Variants in CRYBG1 observed in about 807,000 individuals in gnomAD.
CRYBG1 encodes the protein beta/gamma crystallin domain-containing protein 1.
Under a neutral mutation model 189.2 loss-of-function variants are expected in CRYBG1, and 139 were observed. The ratio of observed to expected loss-of-function variants is 0.73; its 90% confidence interval spans 0.64 to 0.85. The LOEUF (loss-of-function observed/expected upper bound fraction) is 0.85, where lower values mean the gene tolerates loss of function less well. Ranked by LOEUF, CRYBG1 falls within the 40% of genes least tolerant of loss-of-function variation. The pLI is 0.00. For missense variants in CRYBG1, 2,611 were observed against 2,675.8 expected, an observed-to-expected ratio of 0.98 and a Z score of 0.53; for synonymous variants, 1,023 against 1,017.1, an observed-to-expected ratio of 1.01 and a Z score of -0.11.
Position 106,553,580 on chromosome 6 carries a change from A to G in CRYBG1, c.5585+13A>G, listed in dbSNP as rs1160334753. On this transcript the variant is annotated intron_variant, in intron 16 of 21. Coordinates refer to ENST00000633556, the MANE Select transcript of CRYBG1 (RefSeq NM_001371242.2). ...TTTCAGGAGGCAGGTAAGTGAAACA[A>G]AGGCCTGGCAGAGCTGAATCACTGG... 1.3e-6 allele frequency: 2 copies of G among 1,542,254 alleles called. No individual in the cohort carries two copies. The highest frequency in any genetic ancestry group is 1.8e-6 in the Non-Finnish European group (2 of 1,114,614).
At chr6:106,393,195 A>T (rs548890914) in intron 1 of CRYBG1, among the ~76,000 whole-genome samples, 40 of 152,354 alleles carry the variant, frequency 2.6e-4, no homozygotes, top group South Asian at 6.2e-4. Context: ...GGGCTAGCTC[A>T]TCAGAGTTCT....
At chr6:106,487,057 C>T (rs1352508809) in intron 2 of CRYBG1, among the ~76,000 whole-genome samples, 1 of 151,860 alleles carries the variant, frequency 6.6e-6, no homozygotes, top group Non-Finnish European at 1.5e-5. Context: ...TGTTTCCTTT[C>T]TCTTTGTTGT....
chr6:106,533,234 G>A (rs1304921510), intron 8 of CRYBG1, among the ~76,000 whole-genome samples: 5 of 152,216 alleles, frequency 3.3e-5, no homozygotes, highest in African/African-American at 7.2e-5. Flanking sequence ...GAGGGGCAGG[G>A]AGCCTGTCCC....
chr6:106,517,421 C>CAT (rs1223602763), intron 3 of CRYBG1, among the ~76,000 whole-genome samples: 13 of 116,982 alleles, frequency 1.1e-4, no homozygotes, highest in Non-Finnish European at 1.8e-4. Context: ...CATATATACA[C>CAT]ATATATATAC....
At position 106,512,013 on chromosome 6, in the gene CRYBG1, C is replaced by T. The variant is rs1773274304; in HGVS notation, c.896C>T (p.Ser299Leu). ...AFLGVRGAPG[S>L]PTQERPAGGL... ...CTGGGTGTGAGGGGTGCGCCAGGGT[C>T]GCCCACCCAGGAGCGGCCCGCGGGA... The change falls in exon 3 of 22, where the codon TCG becomes TTG. Residue 299 changes from serine (S) to leucine (L), a missense_variant. Coordinates refer to ENST00000633556, the MANE Select transcript of CRYBG1 (RefSeq NM_001371242.2). 6 of 1,529,736 alleles carry T rather than the reference C, an allele frequency of 3.9e-6. No homozygotes were observed. The highest frequency in any genetic ancestry group is 1.2e-5 in the South Asian group (1 of 83,440). The allele number at this position is 1,529,736 out of a possible 1,614,324, so 94.8% of individuals were successfully genotyped here. A position where few individuals can be genotyped will look rare whatever the true frequency, so the allele number is the denominator to read the frequency against.
intron 1 of CRYBG1, among the ~76,000 whole-genome samples, chr6:106,425,326 G>A (rs754568410): frequency 5.9e-5 from 9 of 151,970 alleles, no homozygotes; most frequent in East Asian, 3.9e-4. Context: ...TCTCAGTTTC[G>A]CTGCCTGTCC....
intron 1 of CRYBG1, among the ~76,000 whole-genome samples, chr6:106,368,530 C>A (rs1454848055): frequency 1.3e-5 from 2 of 152,206 alleles, no homozygotes; most frequent in East Asian, 1.9e-4. Context: ...GAATGACCAG[C>A]GAATTGCTTA....
chr6:106,435,688 A>C (rs1359738132), intron 1 of CRYBG1, among the ~76,000 whole-genome samples: 1 of 151,796 alleles, frequency 6.6e-6, no homozygotes, highest in African/African-American at 2.4e-5. Context: ...TGCAACCTCC[A>C]CCTCCAGGAG....
intron 15 of CRYBG1, among the ~76,000 whole-genome samples, chr6:106,553,121 C>T (rs889347403): frequency 3.3e-5 from 5 of 152,132 alleles, no homozygotes; most frequent in African/African-American, 7.2e-5. Flanking sequence ...TACTGTTTGT[C>T]GTTAATGTCA....
chr6:106,433,150 T>C (rs1015976503), intron 1 of CRYBG1, among the ~76,000 whole-genome samples: 1 of 152,190 alleles, frequency 6.6e-6, no homozygotes, highest in Non-Finnish European at 1.5e-5. Context: ...CTATTTTCTG[T>C]TCTTACACTA....
At chr6:106,558,392 T>G (rs1774610813) in intron 17 of CRYBG1, 94 bp from the exon 18 acceptor site, 1 of 1,124,388 alleles carries the variant, frequency 8.9e-7, no homozygotes, top group Non-Finnish European at 1.2e-6. Flanking sequence ...CTAGCAGATT[T>G]TTTGTGCTTT....
chr6:106,564,535 C>T (rs1582844870), intron 21 of CRYBG1, among the ~76,000 whole-genome samples: 3 of 152,256 alleles, frequency 2.0e-5, no homozygotes, highest in African/African-American at 7.2e-5. Flanking sequence ...TTATTTGCAT[C>T]AGAATCACCT....
chr6:106,506,597 C>T (rs1290003137), intron 2 of CRYBG1, among the ~76,000 whole-genome samples: 1 of 151,844 alleles, frequency 6.6e-6, no homozygotes, highest in Non-Finnish European at 1.5e-5. Flanking sequence ...GGATTACAAG[C>T]AACCACCACC....
intron 1 of CRYBG1, among the ~76,000 whole-genome samples, chr6:106,418,958 C>A (rs1225842385): frequency 6.6e-6 from 1 of 152,186 alleles, no homozygotes; most frequent in Non-Finnish European, 1.5e-5. Flanking sequence ...ATTGGCTGGA[C>A]CAGGCATGAT....
At chr6:106,553,381 C>A (rs1683396124) in intron 15 of CRYBG1, 74 bp from the exon 16 acceptor site, 11 of 971,008 alleles carry the variant, frequency 1.1e-5, no homozygotes, top group South Asian at 1.4e-5. Context: ...ATGTTTAGGT[C>A]ATCATTTCAA....
rs139415054 is a variant in CRYBG1, at chr6:106,522,812, G to T, written c.4245+1359G>T. 9.8e-4 allele frequency among the ~76,000 whole-genome samples: 149 copies of T among 152,302 alleles called. 1 individual carries two copies. The highest frequency in any genetic ancestry group is 3.5e-3 in the African/African-American group (144 of 41,558). On this transcript the variant is annotated intron_variant, in intron 4 of 21. Coordinates refer to ENST00000633556, the MANE Select transcript of CRYBG1 (RefSeq NM_001371242.2). ...CAATCCTGTCAGAGAATGTGATGTT[G>T]CAAGCTCTTTCAAAATATATGGTTG... is the stretch of plus-strand genomic sequence containing the variant.
At chr6:106,557,732 C>G (rs886155430) in intron 17 of CRYBG1, among the ~76,000 whole-genome samples, 1 of 152,180 alleles carries the variant, frequency 6.6e-6, no homozygotes, top group South Asian at 2.1e-4. Context: ...CATGCCCGGC[C>G]TCCCACATGC....
At chr6:106,463,584 G>A (rs1019952605) in intron 2 of CRYBG1, among the ~76,000 whole-genome samples, 1 of 152,228 alleles carries the variant, frequency 6.6e-6, no homozygotes, top group African/African-American at 2.4e-5. Context: ...AGATATGTGT[G>A]TGTATGAAGC....
chr6:106,514,143 G>A (rs1212150064), intron 3 of CRYBG1, among the ~76,000 whole-genome samples: 1 of 152,188 alleles, frequency 6.6e-6, no homozygotes, highest in Admixed American at 6.5e-5. Context: ...TGGGCCTTGT[G>A]CCTTGATGAT....
Sources: gnomAD v4.1 joint callset for allele counts (sites outside exome capture counted in the v4.1 genomes callset) on GRCh38, gnomAD v4.1.1 for gene constraint, MANE v1.5 for transcripts, NCBI Gene and HGNC (gene_info 2026-07-23, HGNC 2026-07-21) for gene names.